GNG3: variants seen among roughly 807,000 people sequenced by gnomAD.
GNG3 encodes the protein G protein subunit gamma 3.
GNG3 carries 4 observed loss-of-function variants against 5.6 expected under a neutral mutation model. The ratio of observed to expected loss-of-function variants is 0.71; its 90% CI spans 0.35 to 1.63. The LOEUF is 1.63. Ranked by LOEUF, GNG3 falls within the 40% of genes most tolerant of loss-of-function variation. GNG3 has a pLI of 0.05. For synonymous variants in GNG3, 30 were observed against 33.5 expected, an observed-to-expected ratio of 0.89 and a Z score of 0.36; for missense variants, 62 against 96.6, an observed-to-expected ratio of 0.64 and a Z score of 1.50.
Position 62,709,146 on chromosome 11 carries a change from C to G in GNG3, c.*340C>G. 1 of 476,896 alleles carries G rather than the reference C, an allele frequency of 2.1e-6. No individual in the cohort carries two copies. Among genetic ancestry groups the G allele is most frequent in the Non-Finnish European group, 4.1e-6 (1 of 242,078 alleles). 29.5% of individuals were successfully genotyped at this position (476,896 alleles called of 1,614,324 possible). On this transcript the variant is annotated 3_prime_UTR_variant, in exon 3 of 3. Coordinates refer to ENST00000294117, the MANE Select transcript of GNG3 (RefSeq NM_012202.5). ...GGCCAGGTTCTTGCTCTCAGTCTCA[C>G]CTGGAGCTACTGGGAGGGTAAAGCC...
Position 62,707,992 on chromosome 11 carries a change from G to A in GNG3, c.-2+77G>A, listed in dbSNP as rs138389340. On this transcript the variant is annotated intron_variant, in intron 1 of 2. Coordinates refer to ENST00000294117, the MANE Select transcript of GNG3 (RefSeq NM_012202.5). Reference sequence around the variant, plus strand: ...GTGATGTGCCCTCCTCATCAGGGTTGGTTGAGGTCTTCAGAGCTGGGAACA... The same window carrying A: ...GTGATGTGCCCTCCTCATCAGGGTTAGTTGAGGTCTTCAGAGCTGGGAACA... 6.2e-4 allele frequency: 259 copies of A among 415,756 alleles called. 2 individuals carry two copies. Among genetic ancestry groups the A allele is most frequent in the African/African-American group, 4.7e-3 (233 of 49,860 alleles). 25.8% of individuals were successfully genotyped at this position (415,756 alleles called of 1,614,324 possible). A position where few individuals can be genotyped will look rare whatever the true frequency, so the allele number is the denominator to read the frequency against.
upstream of GNG3, chr11:62,706,998 TC>T: frequency 1.1e-6 from 1 of 942,552 alleles, no homozygotes; most frequent in East Asian, 2.6e-5. Context: ...TGGGAAGTAA[TC>T]TATTCAAAAT....
At chr11:62,708,252 C>A in intron 1 of GNG3, 43 bp from the exon 2 acceptor site, 1 of 1,288,128 alleles carries the variant, frequency 7.8e-7, no homozygotes, top group Non-Finnish European at 1.1e-6. Context: ...GGAGGGGGGC[C>A]TCCAGCTGAG....
chr11:62,708,118 C>G, intron 1 of GNG3, 177 bp from the exon 2 acceptor site: 1 of 622,122 alleles, frequency 1.6e-6, no homozygotes. Flanking sequence ...TCATCCCACC[C>G]TATTTTTTTC....
At chr11:62,708,441 G>A in intron 2 of GNG3, 47 bp downstream of exon 2, 2 of 1,387,276 alleles carry the variant, frequency 1.4e-6, no homozygotes, top group East Asian at 2.3e-5. Flanking sequence ...AGGCTGTGCT[G>A]TGCTGCAGGT....
In GNG3 at chr11:62,707,781, G is replaced by C. The variant is rs560618; in HGVS notation, c.-136G>C. The C allele has an allele frequency of 0.98, 262,494 of 266,698 alleles. 129,316 individuals are homozygous for C. The highest frequency in any genetic ancestry group is 1 in the East Asian group (11,094 of 11,094). The allele number at this position is 266,698 out of a possible 1,614,324, so 16.5% of individuals were successfully genotyped here. A position where few individuals can be genotyped will look rare whatever the true frequency, so the allele number is the denominator to read the frequency against. On this transcript the variant is annotated 5_prime_UTR_variant, in exon 1 of 3. Transcript: ENST00000294117. ...TGGCCCTCCCCAGGGGCCTCCTTTC[G>C]TATAGTCACTGCTTCTGCATCAGAT... is the stretch of plus-strand genomic sequence containing the variant.
In GNG3 at chr11:62,708,920, T is replaced by C; in HGVS notation, c.*114T>C. ...TTGCATCCCATCCCTAACCCTTGCC[T>C]GACCATGTGAGGTTATCTGAAGCAC... On this transcript the variant is annotated 3_prime_UTR_variant, in exon 3 of 3. Transcript: ENST00000294117. 1.3e-6 allele frequency: 1 copy of C among 799,788 alleles called. No individual in the cohort carries two copies. The highest frequency in any genetic ancestry group is 1.7e-5 in the African/African-American group (1 of 58,544). The allele number at this position is 799,788 out of a possible 1,614,324, so 49.5% of individuals were successfully genotyped here. A position where few individuals can be genotyped will look rare whatever the true frequency, so the allele number is the denominator to read the frequency against.
chr11:62,708,828 A>T lies in GNG3; in HGVS notation c.*22A>T. ...CTGAGCTCCCCTGTCCCTTCTCACA[A>T]CTCCTCCCTTTTCCCTCTCCTGGGC... On this transcript the variant is annotated 3_prime_UTR_variant, in exon 3 of 3. Transcript: ENST00000294117. The T allele has an allele frequency of 6.3e-7, 1 of 1,586,418 alleles. No individual in the cohort carries two copies. Among genetic ancestry groups the T allele is most frequent in the East Asian group, 2.2e-5 (1 of 44,708 alleles).
At chr11:62,707,459 T>A, upstream of GNG3, 2 of 686,196 alleles carry the variant, frequency 2.9e-6, no homozygotes, top group South Asian at 1.5e-5. Context: ...CAGACTCCAC[T>A]GCAGGGGCCG....
chr11:62,706,798 G>C (rs76917941), upstream of GNG3: 3 of 572,616 alleles, frequency 5.2e-6, no homozygotes, highest in South Asian at 3.3e-5. Context: ...TTAGTGCCCT[G>C]TTCCCAGCGT....
In GNG3 at chr11:62,708,731, G is replaced by A. The variant is rs751342432; in HGVS notation, c.153G>A (p.Glu51=). 3 of 1,614,074 alleles carry A rather than the reference G, an allele frequency of 1.9e-6. No homozygotes were observed. Among genetic ancestry groups the A allele is most frequent in the Non-Finnish European group, 1.7e-6 (2 of 1,179,962 alleles). The part of the protein sequence containing the change: ...LMTYCDAHAC[E]DPLITPVPTS... ...CTTACTGTGATGCCCACGCCTGTGA[G>A]GATCCCCTCATCACCCCTGTGCCCA... The change falls in exon 3 of 3, where the codon GAG becomes GAA. Residue 51 remains glutamate (E), a synonymous_variant. Coordinates refer to ENST00000294117, the MANE Select transcript of GNG3 (RefSeq NM_012202.5).
upstream of GNG3, chr11:62,707,346 A>T (rs768492253): frequency 2.6e-6 from 2 of 756,326 alleles, no homozygotes; most frequent in East Asian, 5.3e-5. Context: ...ACGAAGATTC[A>T]GGTGCTAAGT....
At chr11:62,708,046 A>C (rs752723801) in intron 1 of GNG3, 131 bp downstream of exon 1, 56 of 536,600 alleles carry the variant, frequency 1.0e-4, no homozygotes, top group Middle Eastern at 5.0e-4. Flanking sequence ...GAAAAGCCTT[A>C]AATCATTTGT....
chr11:62,708,173 G>A, intron 1 of GNG3, 122 bp from the exon 2 acceptor site: 1 of 728,696 alleles, frequency 1.4e-6, no homozygotes, highest in East Asian at 2.5e-5. Context: ...GGAGGAGGAG[G>A]AGGATAGGAG....
chr11:62,706,577 T>C (rs2083542532), upstream of GNG3: 1 of 467,028 alleles, frequency 2.1e-6, no homozygotes, highest in Non-Finnish European at 4.4e-6. Context: ...CGCTCGGCTC[T>C]CCCTTGAGAC....
chr11:62,707,516 C>T, upstream of GNG3: 2 of 626,286 alleles, frequency 3.2e-6, no homozygotes, highest in East Asian at 2.7e-5. Context: ...CGGCCTTGGC[C>T]TCAGCTCTGT....
At position 62,708,997 on chromosome 11, in the gene GNG3, C is replaced by T. The variant is rs917611903; in HGVS notation, c.*191C>T. The T allele has an allele frequency of 5.5e-5, 32 of 586,236 alleles. No homozygotes were observed. Among genetic ancestry groups the T allele is most frequent in the Non-Finnish European group, 1.5e-5 (5 of 325,876 alleles). 36.3% of individuals were successfully genotyped at this position (586,236 alleles called of 1,614,324 possible). A position where few individuals can be genotyped will look rare whatever the true frequency, so the allele number is the denominator to read the frequency against. ...CCCCATTTCCTACCACCTTTGTGGC[C>T]GACCCCAAGCACCCCAGAGATATGA... On this transcript the variant is annotated 3_prime_UTR_variant, in exon 3 of 3. Transcript: ENST00000294117.
chr11:62,707,161 G>T, upstream of GNG3: 1 of 1,554,304 alleles, frequency 6.4e-7, no homozygotes, highest in African/African-American at 1.4e-5. Context: ...TTTTTCCCCA[G>T]CTTCCTCCTT....
At chr11:62,707,150 CTT>C (rs2083554944), upstream of GNG3, 1 of 1,554,742 alleles carries the variant, frequency 6.4e-7, no homozygotes, top group Non-Finnish European at 8.7e-7. Context: ...CCGCACACCT[CTT>C]TTTCCCCAGC....
Sources: allele counts gnomAD v4.1 joint callset, GRCh38; gene constraint gnomAD v4.1.1; transcripts MANE v1.5; gene names NCBI Gene and HGNC (gene_info 2026-07-23, HGNC 2026-07-21).